XKR9: variants seen among roughly 807,000 people sequenced by gnomAD.
XKR9 encodes XK related 9, also known as XK-related protein 9.
In XKR9, 32 loss-of-function variants were observed where a neutral mutation model predicts 32.0. That is an observed-to-expected ratio of 1.00 (90% CI 0.76 to 1.34). The LOEUF (loss-of-function observed/expected upper bound fraction) is 1.34. Among genes scored for constraint, XKR9 ranks in the 40% most tolerant of loss-of-function variants. The pLI is 0.00. For synonymous variants in XKR9, 168 were observed against 143.4 expected, an observed-to-expected ratio of 1.17 and a Z score of -1.22; for missense variants, 546 against 429.7, an observed-to-expected ratio of 1.27 and a Z score of -2.39.
chr8:70,830,069 T>A, the XKR9 span, among the ~76,000 whole-genome samples: 3 of 152,198 alleles, frequency 2.0e-5, no homozygotes, highest in Admixed American at 6.5e-5. Context: ...GTTATAAATG[T>A]TTCTTCCTTT....
chr8:70,985,549 C>T, the XKR9 span, among the ~76,000 whole-genome samples: 1 of 152,118 alleles, frequency 6.6e-6, no homozygotes, highest in African/African-American at 2.4e-5. Context: ...AATGGACAAT[C>T]TTTGTACATG....
At chr8:70,791,162 C>T (rs1215721129), downstream of XKR9, among the ~76,000 whole-genome samples, 1 of 152,002 alleles carries the variant, frequency 6.6e-6, no homozygotes, top group African/African-American at 2.4e-5. Flanking sequence ...TCCATGAATA[C>T]TTCCGCACTT....
chr8:70,799,500 T>G, the XKR9 span, among the ~76,000 whole-genome samples: 1 of 151,984 alleles, frequency 6.6e-6, no homozygotes, highest in Admixed American at 6.6e-5. Context: ...CCAGCTAATT[T>G]TTTTGTATTT....
At chr8:70,926,952 A>G in the XKR9 span, among the ~76,000 whole-genome samples, 9 of 152,054 alleles carry the variant, frequency 5.9e-5, no homozygotes, top group African/African-American at 2.2e-4. Context: ...AGCTTCTACC[A>G]TTATTTCTAG....
chr8:70,899,912 A>G, the XKR9 span, among the ~76,000 whole-genome samples: 1 of 152,100 alleles, frequency 6.6e-6, no homozygotes, highest in African/African-American at 2.4e-5. Context: ...ATATTTTTTG[A>G]GAGTATCTGT....
the XKR9 span, among the ~76,000 whole-genome samples, chr8:70,828,730 G>GAAAAAAAA: frequency 8.4e-6 from 1 of 119,574 alleles, no homozygotes; most frequent in African/African-American, 3.2e-5. Context: ...CAAAAAAAAA[G>GAAAAAAAA]AAAAAAAAAA....
the XKR9 span, among the ~76,000 whole-genome samples, chr8:71,032,311 A>C: frequency 4.9e-5 from 7 of 142,634 alleles, no homozygotes; most frequent in South Asian, 2.3e-4. Flanking sequence ...AAAAAAAACC[A>C]CTTTGGAAGT....
At chr8:70,853,265 G>A in the XKR9 span, among the ~76,000 whole-genome samples, 103 of 152,118 alleles carry the variant, frequency 6.8e-4, 3 homozygotes, top group Middle Eastern at 6.8e-3. Flanking sequence ...GCAGTGAGGC[G>A]TGGGGTGTGG....
At chr8:70,720,538 C>T (rs1806244081) in intron 4 of XKR9, among the ~76,000 whole-genome samples, 1 of 152,134 alleles carries the variant, frequency 6.6e-6, no homozygotes, top group Non-Finnish European at 1.5e-5. Flanking sequence ...AAGGCCTTTT[C>T]TGCATCTGTT....
At chr8:70,730,448 A>G (rs1369164286) in intron 4 of XKR9, among the ~76,000 whole-genome samples, 1 of 152,176 alleles carries the variant, frequency 6.6e-6, no homozygotes, top group East Asian at 1.9e-4. Flanking sequence ...ACCAGACTCT[A>G]GCCAGAACTG....
At chr8:70,748,468 G>A (rs549137912) in intron 2 of XKR9, among the ~76,000 whole-genome samples, 1 of 152,066 alleles carries the variant, frequency 6.6e-6, no homozygotes, top group African/African-American at 2.4e-5. Context: ...CTGGGTGTGT[G>A]TGCATTCAGA....
At chr8:70,806,055 C>T in the XKR9 span, among the ~76,000 whole-genome samples, 154 of 152,278 alleles carry the variant, frequency 1.0e-3, 1 homozygote, top group African/African-American at 3.5e-3. Context: ...GAAAAAAGAG[C>T]AGGCACCCAT....
At chr8:70,704,829 G>T (rs1008224048) in intron 3 of XKR9, among the ~76,000 whole-genome samples, 2 of 152,120 alleles carry the variant, frequency 1.3e-5, no homozygotes, top group African/African-American at 4.8e-5. Flanking sequence ...TAGAAATCTT[G>T]CTTATAAATC....
the XKR9 span, among the ~76,000 whole-genome samples, chr8:70,839,702 G>T: frequency 6.6e-6 from 1 of 152,202 alleles, no homozygotes; most frequent in African/African-American, 2.4e-5. Flanking sequence ...AGAGAAGACA[G>T]TCTAACTTTG....
At chr8:70,924,679 T>C in the XKR9 span, among the ~76,000 whole-genome samples, 1 of 152,170 alleles carries the variant, frequency 6.6e-6, no homozygotes, top group Admixed American at 6.5e-5. Context: ...AAAGTTTCTC[T>C]CCATTGAGGC....
At chr8:71,028,465 G>A in the XKR9 span, among the ~76,000 whole-genome samples, 2 of 152,132 alleles carry the variant, frequency 1.3e-5, no homozygotes, top group African/African-American at 2.4e-5. Flanking sequence ...ATTATGGTTA[G>A]TCACCAGGGG....
At chr8:70,779,850 C>T (rs1181092167) in intron 2 of XKR9, among the ~76,000 whole-genome samples, 5 of 151,972 alleles carry the variant, frequency 3.3e-5, no homozygotes, top group African/African-American at 9.7e-5. Context: ...CTCTTTTCTT[C>T]TTTATTAGTC....
chr8:70,781,745 A>G (rs1807620096), intron 2 of XKR9, among the ~76,000 whole-genome samples: 1 of 152,114 alleles, frequency 6.6e-6, no homozygotes, highest in African/African-American at 2.4e-5. Flanking sequence ...TTCTTTTGAG[A>G]GTTGTCTATT....
the XKR9 span, among the ~76,000 whole-genome samples, chr8:70,838,369 T>C: frequency 6.6e-6 from 1 of 152,064 alleles, no homozygotes; most frequent in Non-Finnish European, 1.5e-5. Flanking sequence ...TGATGTCATT[T>C]AGTTAGGTAG....
Sources: allele counts gnomAD v4.1 joint callset (sites outside exome capture counted in the v4.1 genomes callset), GRCh38; gene constraint gnomAD v4.1.1; transcripts MANE v1.5; gene names NCBI Gene and HGNC (gene_info 2026-07-23, HGNC 2026-07-21).